Variants in CSMD1 observed in about 807,000 individuals in gnomAD.
The protein encoded by CSMD1 is CUB and sushi domain-containing protein 1.
CSMD1 carries 213 observed loss-of-function variants against 417.5 expected under a neutral mutation model. The ratio of observed to expected loss-of-function variants is 0.51; its 90% CI spans 0.46 to 0.57. The LOEUF is 0.57. Ranked by LOEUF, CSMD1 falls within the 20% of genes least tolerant of loss-of-function variation. CSMD1 has a pLI of 0.00. For missense variants in CSMD1, 6,923 were observed against 4,529.7 expected (o/e 1.53, Z -15.17); for synonymous variants, 2,862 against 1,736.8 (o/e 1.65, Z -16.11).
intron 7 of CSMD1, among the ~76,000 whole-genome samples, chr8:3,662,399 G>C (rs77266920): frequency 0.022 from 3,402 of 152,234 alleles, 143 homozygotes; most frequent in African/African-American, 0.077. Flanking sequence ...ATATATGAAT[G>C]TCAAGACTCC....
At chr8:3,435,131 T>G (rs1341633336) in intron 12 of CSMD1, among the ~76,000 whole-genome samples, 1 of 152,172 alleles carries the variant, frequency 6.6e-6, no homozygotes, top group Non-Finnish European at 1.5e-5. Context: ...TCACTCACTC[T>G]GTGGCCTCAG....
Position 2,937,638 on chromosome 8 carries a change from G to A in CSMD1, c.*947C>T, listed in dbSNP as rs932190097. 2.0e-5 allele frequency: 3 copies of A among 152,178 alleles called. No homozygotes were observed. Among genetic ancestry groups the A allele is most frequent in the African/African-American group, 7.2e-5 (3 of 41,444 alleles). The allele number at this position is 152,178 out of a possible 1,614,324, so 9.4% of individuals were successfully genotyped here. On this transcript the variant is annotated 3_prime_UTR_variant, in exon 70 of 70. Coordinates refer to ENST00000635120, the MANE Select transcript of CSMD1 (RefSeq NM_033225.6). ...GAGGATGGTACTAAAGGAGGAAAAC[G>A]TGTGAAATAAGGAGGCTTCTGTTTT...
chr8:3,866,704 A>G (rs1486872255), intron 5 of CSMD1, among the ~76,000 whole-genome samples: 1 of 152,064 alleles, frequency 6.6e-6, no homozygotes, highest in East Asian at 1.9e-4. Context: ...AAGCTATTCC[A>G]TAAGGTAGTC....
intron 1 of CSMD1, among the ~76,000 whole-genome samples, chr8:4,761,169 G>C (rs1812017108): frequency 6.6e-6 from 1 of 152,078 alleles, no homozygotes; most frequent in African/African-American, 2.4e-5. Context: ...CACTATGAAA[G>C]CGAAATCTAA....
chr8:4,233,619 A>G (rs1184500148), intron 3 of CSMD1, among the ~76,000 whole-genome samples: 1 of 152,110 alleles, frequency 6.6e-6, no homozygotes, highest in Non-Finnish European at 1.5e-5. Context: ...GGACACCTTG[A>G]TCTTGGACTG....
chr8:3,448,513 A>G (rs1815479634), intron 12 of CSMD1, among the ~76,000 whole-genome samples: 1 of 148,874 alleles, frequency 6.7e-6, no homozygotes, highest in African/African-American at 2.5e-5. Flanking sequence ...GAAAACTTGG[A>G]GAGAGGCTGC....
chr8:3,983,194 G>A (rs1048141996), intron 5 of CSMD1, among the ~76,000 whole-genome samples: 19 of 148,444 alleles, frequency 1.3e-4, no homozygotes, highest in South Asian at 2.1e-4. Flanking sequence ...GCAGTGGCGC[G>A]ATCTCAGCTC....
intron 8 of CSMD1, among the ~76,000 whole-genome samples, chr8:3,593,720 T>C (rs1253456510): frequency 2.0e-5 from 3 of 152,242 alleles, no homozygotes; most frequent in Non-Finnish European, 2.9e-5. Flanking sequence ...TCAGAATTTA[T>C]AGACTTATTA....
intron 1 of CSMD1, among the ~76,000 whole-genome samples, chr8:4,868,909 G>T (rs1802573778): frequency 6.6e-6 from 1 of 151,918 alleles, no homozygotes. Context: ...TTTTCTAACA[G>T]GGCAATCACT....
At chr8:3,528,303 A>T (rs756156334) in intron 10 of CSMD1, among the ~76,000 whole-genome samples, 1 of 152,208 alleles carries the variant, frequency 6.6e-6, no homozygotes, top group Non-Finnish European at 1.5e-5. Context: ...TTTTGCTAAT[A>T]GCTCAGTGCC....
Position 3,284,107 on chromosome 8 carries a change from A to T in CSMD1, c.4153+37T>A, listed in dbSNP as rs767623728. On this transcript the variant is annotated intron_variant, in intron 26 of 69. Transcript: ENST00000635120. ...GATCTGTGTTCATGACAAGACTTTG[A>T]TATCAAGGTAAAGAAGAAGCACGCT... 4 of 1,458,560 alleles carry T rather than the reference A, an allele frequency of 2.7e-6. No individual in the cohort carries two copies. In the Admixed American group the frequency reaches 5.9e-5, roughly 22 times the overall value. 90.4% of individuals were successfully genotyped at this position (1,458,560 alleles called of 1,614,324 possible). A position where few individuals can be genotyped will look rare whatever the true frequency, so the allele number is the denominator to read the frequency against.
intron 3 of CSMD1, among the ~76,000 whole-genome samples, chr8:4,166,169 G>C (rs961675977): frequency 2.0e-5 from 3 of 152,044 alleles, no homozygotes; most frequent in African/African-American, 4.8e-5. Flanking sequence ...ATTTGTAGTA[G>C]TCTACTTGAA....
Position 3,975,407 on chromosome 8 carries a change from T to A in CSMD1, c.818+22496A>T, listed in dbSNP as rs185508422. Among the ~76,000 whole-genome samples the A allele has an allele frequency of 2.1e-3, 322 of 152,298 alleles. 1 individual carries two copies. Among genetic ancestry groups the A allele is most frequent in the African/African-American group, 7.5e-3 (313 of 41,550 alleles). On this transcript the variant is annotated intron_variant, in intron 5 of 69. Transcript: ENST00000635120. ...GAGCTACAGTGAGCATTATTTTTAA[T>A]ACTAGATGATAACCATTTACAACCC...
At chr8:3,662,789 G>A (rs1308183068) in intron 7 of CSMD1, among the ~76,000 whole-genome samples, 5 of 151,948 alleles carry the variant, frequency 3.3e-5, no homozygotes, top group Non-Finnish European at 5.9e-5. Flanking sequence ...GTTGAACAAT[G>A]AGAACACATG....
chr8:3,478,757 T>C (rs911176583), intron 11 of CSMD1, among the ~76,000 whole-genome samples: 1 of 151,944 alleles, frequency 6.6e-6, no homozygotes, highest in Admixed American at 6.6e-5. Flanking sequence ...ACAACAAACA[T>C]CCAAGGAAGT....
At chr8:3,919,702 G>A (rs1451770787) in intron 5 of CSMD1, among the ~76,000 whole-genome samples, 2 of 151,846 alleles carry the variant, frequency 1.3e-5, no homozygotes, top group Admixed American at 6.6e-5. Context: ...AGATTGCTTT[G>A]AATCTGTAGA....
intron 5 of CSMD1, among the ~76,000 whole-genome samples, chr8:3,830,868 G>A (rs1237030109): frequency 1.3e-5 from 2 of 152,170 alleles, no homozygotes; most frequent in Non-Finnish European, 2.9e-5. Flanking sequence ...TTTTAAGTGT[G>A]TCTTCATCGA....
chr8:4,158,618 A>G (rs1417901835), intron 3 of CSMD1, among the ~76,000 whole-genome samples: 2 of 152,070 alleles, frequency 1.3e-5, no homozygotes, highest in African/African-American at 4.8e-5. Context: ...CCCAGAAATG[A>G]TAATTTTCAC....
At chr8:4,283,089 T>G (rs748617610) in intron 3 of CSMD1, among the ~76,000 whole-genome samples, 1 of 152,210 alleles carries the variant, frequency 6.6e-6, no homozygotes, top group Non-Finnish European at 1.5e-5. Flanking sequence ...AACATCCTGT[T>G]TTTTAGCAGA....
Sources: allele counts gnomAD v4.1 joint callset (sites outside exome capture counted in the v4.1 genomes callset), GRCh38; gene constraint gnomAD v4.1.1; transcripts MANE v1.5; gene names NCBI Gene and HGNC (gene_info 2026-07-23, HGNC 2026-07-21).